The following CCDC69 variants were observed in gnomAD, a reference collection of about 807,000 sequenced individuals.
The protein encoded by CCDC69 is coiled-coil domain-containing protein 69.
CCDC69 carries 38 observed loss-of-function variants against 40.3 expected under a neutral mutation model. The observed-to-expected ratio is 0.94, with a 90% confidence interval of 0.73 to 1.24. The LOEUF is 1.24. CCDC69 is among the 50% of genes most tolerant of loss of function. The pLI, the probability that CCDC69 is intolerant of heterozygous loss-of-function variation, is 0.00. For synonymous variants in CCDC69, 141 were observed against 138.9 expected, an observed-to-expected ratio of 1.02 and a Z score of -0.11; for missense variants, 389 against 357.9, an observed-to-expected ratio of 1.09 and a Z score of -0.70.
At chr5:151,212,008 T>G (rs1752958570) in intron 1 of CCDC69, 1 of 36,830 alleles carries the variant, frequency 2.7e-5, no homozygotes, top group Non-Finnish European at 5.0e-5. Context: ...TGTGCGTGGG[T>G]GGTGGTGGTG....
intron 5 of CCDC69, among the ~76,000 whole-genome samples, chr5:151,186,332 AAAG>A (rs1752514274): frequency 6.7e-6 from 1 of 149,658 alleles, no homozygotes; most frequent in African/African-American, 2.5e-5. Flanking sequence ...GAAGAGAAAG[AAAG>A]AAGAGAAAAG....
In CCDC69 at chr5:151,184,417, C is replaced by A; in HGVS notation, c.640G>T (p.Glu214Ter). Reference sequence around the variant, plus strand: ...TCCTGTTGCAGGGTCGTAATTTTTTCCTCCAATATCAGATTTTTCTCTTTC... The same window carrying A: ...TCCTGTTGCAGGGTCGTAATTTTTTACTCCAATATCAGATTTTTCTCTTTC... ...TVKEKNLILE[E>*]KITTLQQENE... Residue 214 changes from glutamate (E) to a stop codon, truncating the protein, a stop_gained, in exon 8 of 9, where the codon GAA becomes TAA. Coordinates refer to ENST00000355417, the MANE Select transcript of CCDC69 (RefSeq NM_015621.3). LOFTEE classifies it high-confidence loss of function. The A allele has an allele frequency of 6.2e-7, 1 of 1,613,764 alleles. No individual in the cohort carries two copies. The highest frequency in any genetic ancestry group is 1.1e-5 in the South Asian group (1 of 91,082).
intron 6 of CCDC69, among the ~76,000 whole-genome samples, 172 bp from the exon 7 acceptor site, chr5:151,185,713 G>A (rs1324367934): frequency 6.6e-6 from 1 of 152,202 alleles, no homozygotes; most frequent in African/African-American, 2.4e-5. Context: ...TTTGAGACAT[G>A]TGCTAGCACC....
chr5:151,184,358 C>G lies in CCDC69; in HGVS notation c.699G>C (p.Gln233His), dbSNP rs1305200606. ...AAGACAGCTACCTTGACAGGACCAC[C>G]TGGTTGCGGCTTCGGACATGGAGGT... ...NEDLHVRSRN[Q>H]VVLSRQLSED... The change falls in exon 8 of 9, where the codon CAG (glutamine) becomes CAC (histidine). Residue 233 changes from glutamine to histidine, a missense_variant. Gln to His is a conservative substitution (Grantham distance 24). Coordinates refer to ENST00000355417, the MANE Select transcript of CCDC69 (RefSeq NM_015621.3). 6.2e-7 allele frequency: 1 copy of G among 1,613,754 alleles called. No individual in the cohort carries two copies. The highest frequency in any genetic ancestry group is 8.5e-7 in the Non-Finnish European group (1 of 1,179,888).
At position 151,224,008 on chromosome 5, in the gene CCDC69, CG is replaced by C; in HGVS notation, c.-39del. The C allele has an allele frequency of 1.8e-5, 28 of 1,538,464 alleles. No individual in the cohort carries two copies. Among genetic ancestry groups the C allele is most frequent in the Non-Finnish European group, 2.4e-5 (27 of 1,148,888 alleles). On this transcript the variant is annotated 5_prime_UTR_variant, in exon 1 of 9. Coordinates refer to ENST00000355417, the MANE Select transcript of CCDC69 (RefSeq NM_015621.3). ...GCTCCCGGACGCCGCTTCCCAACTC[CG>C]GGGCCCCCAGAGGAGCCTGCGATCC...
rs376335487 is a variant in CCDC69 at position 151,187,368 on chromosome 5, C to T, written c.393+18G>A. 1.6e-5 allele frequency: 26 copies of T among 1,611,754 alleles called. No homozygotes were observed. The highest frequency in any genetic ancestry group is 2.7e-5 in the African/African-American group (2 of 74,854). On this transcript the variant is annotated intron_variant, in intron 5 of 8. Transcript: ENST00000355417. ...CACTTACCCTTATCCAAGACTGACACGACCCAGCCCCTCTCACCTGCTGGG... is the reference window on the plus strand; with the variant it reads ...CACTTACCCTTATCCAAGACTGACATGACCCAGCCCCTCTCACCTGCTGGG...
intron 2 of CCDC69, among the ~76,000 whole-genome samples, chr5:151,203,754 A>G (rs1275056674): frequency 7.2e-6 from 1 of 138,512 alleles, no homozygotes; most frequent in Non-Finnish European, 1.5e-5. Context: ...ATATACTAAT[A>G]AAATCTATAT....
At chr5:151,209,580 T>G (rs1249605936) in intron 1 of CCDC69, among the ~76,000 whole-genome samples, 4 of 151,932 alleles carry the variant, frequency 2.6e-5, no homozygotes, top group Non-Finnish European at 5.9e-5. Context: ...TTTCTTTTTC[T>G]TCTGTCTTTT....
intron 7 of CCDC69, 51 bp downstream of exon 7, chr5:151,185,371 C>A (rs1417432360): frequency 1.9e-6 from 3 of 1,604,674 alleles, no homozygotes. Context: ...AGGAAACACC[C>A]AGAAAGCGGG....
At chr5:151,188,601 C>CA (rs1234258891) in intron 4 of CCDC69, among the ~76,000 whole-genome samples, 56 of 104,096 alleles carry the variant, frequency 5.4e-4, no homozygotes, top group Non-Finnish European at 5.7e-4. Context: ...ACTCTGTCTC[C>CA]AAAAAAAAAA....
intron 4 of CCDC69, among the ~76,000 whole-genome samples, chr5:151,190,959 T>C (rs1752601733): frequency 6.6e-6 from 1 of 151,830 alleles, no homozygotes; most frequent in African/African-American, 2.4e-5. Context: ...ACATACCAAA[T>C]AAAACACAGA....
chr5:151,188,027 G>T (rs1752550351), intron 4 of CCDC69, among the ~76,000 whole-genome samples: 1 of 152,186 alleles, frequency 6.6e-6, no homozygotes, highest in Non-Finnish European at 1.5e-5. Flanking sequence ...GGATCTGATT[G>T]TCTCAAAGGG....
chr5:151,216,369 G>A (rs1427081390), intron 1 of CCDC69, among the ~76,000 whole-genome samples: 1 of 150,524 alleles, frequency 6.6e-6, no homozygotes, highest in African/African-American at 2.4e-5. Context: ...GTCAAGGAAG[G>A]GTAGCTTCCA....
Position 151,192,446 on chromosome 5 carries a change from C to CAAA in CCDC69, c.320-4990_320-4988dup, listed in dbSNP as rs397810601. ...AACTTAGATGAATGTAACAATTCTT[C>CAAA]AAAAAAAAAAAATGACCAAAACTCA... On this transcript the variant is annotated intron_variant, in intron 4 of 8. Transcript: ENST00000355417. Among the ~76,000 whole-genome samples, 295 of 144,282 alleles carry CAAA rather than the reference C, an allele frequency of 2.0e-3. 3 individuals are homozygous for CAAA. Among genetic ancestry groups the CAAA allele is most frequent in the South Asian group, 5.7e-3 (26 of 4,598 alleles). The allele number at this position is 144,282 out of a possible 152,430, so 94.7% of individuals were successfully genotyped here. A position where few individuals can be genotyped will look rare whatever the true frequency, so the allele number is the denominator to read the frequency against.
At chr5:151,209,494 C>A (rs921688256) in intron 1 of CCDC69, among the ~76,000 whole-genome samples, 1 of 152,176 alleles carries the variant, frequency 6.6e-6, no homozygotes, top group Non-Finnish European at 1.5e-5. Flanking sequence ...CAGCTCTTGA[C>A]AAAACAAGAT....
intron 1 of CCDC69, among the ~76,000 whole-genome samples, chr5:151,221,545 T>C (rs1447224851): frequency 2.0e-5 from 3 of 152,222 alleles, no homozygotes; most frequent in Non-Finnish European, 4.4e-5. Context: ...ATGATCTGTA[T>C]AAGGCAATGA....
In CCDC69 at chr5:151,185,551, GA is replaced by G. The variant is rs777622527; in HGVS notation, c.496-11del. 3 of 1,613,742 alleles carry G rather than the reference GA, an allele frequency of 1.9e-6. No individual in the cohort carries two copies. Among genetic ancestry groups the G allele is most frequent in the Non-Finnish European group, 2.5e-6 (3 of 1,179,814 alleles). On this transcript the variant is annotated splice_polypyrimidine_tract_variant and intron_variant, in intron 6 of 8. Transcript: ENST00000355417. Reference sequence around the variant, plus strand: ...TGGGGCTCCCATAATCCTAGACAGGGACAGAGTGACCTCATTAGGCCAGTAG... The same window carrying G: ...TGGGGCTCCCATAATCCTAGACAGGGCAGAGTGACCTCATTAGGCCAGTAG...
rs1478186999 is a variant in CCDC69 at position 151,183,390 on chromosome 5, G to A, written c.*47C>T. 6.4e-7 allele frequency: 1 copy of A among 1,571,192 alleles called. No homozygotes were observed. On this transcript the variant is annotated 3_prime_UTR_variant, in exon 9 of 9. Coordinates refer to ENST00000355417, the MANE Select transcript of CCDC69 (RefSeq NM_015621.3). ...TGCTGTCTTCTCCAGAAAAACCTTG[G>A]AAGGAGCTGTGACTTCAGGCGTCGT...
chr5:151,210,642 A>C (rs1001729586), intron 1 of CCDC69: 2 of 152,162 alleles, frequency 1.3e-5, no homozygotes, highest in African/African-American at 4.8e-5. Flanking sequence ...GGAAGGTTCG[A>C]CCAATTTACT....
Sources: gnomAD v4.1 joint callset for allele counts (sites outside exome capture counted in the v4.1 genomes callset) on GRCh38, gnomAD v4.1.1 for gene constraint, MANE v1.5 for transcripts, NCBI Gene and HGNC (gene_info 2026-07-23, HGNC 2026-07-21) for gene names.